Variants in ZNF407 observed in about 807,000 individuals in gnomAD.
The protein encoded by ZNF407 is zinc finger protein 407.
A neutral mutation model predicts 131.2 loss-of-function variants in ZNF407; 17 were observed. The ratio of observed to expected loss-of-function variants is 0.13; its 90% CI spans 0.09 to 0.19. The LOEUF is 0.19. Among genes scored for constraint, ZNF407 ranks in the 10% least tolerant of loss-of-function variants. ZNF407 has a pLI of 1.00. For synonymous variants in ZNF407, 1,156 were observed against 1,062.0 expected, an observed-to-expected ratio of 1.09 and a Z score of -1.72; for missense variants, 2,681 against 2,830.6, an observed-to-expected ratio of 0.95 and a Z score of 1.20.
intron 8 of ZNF407, among the ~76,000 whole-genome samples, chr18:74,964,162 C>T (rs1972381713): frequency 6.6e-6 from 1 of 152,212 alleles, no homozygotes; most frequent in South Asian, 2.1e-4. Context: ...TCATATGTAG[C>T]TCCCACTGTC....
intron 3 of ZNF407, among the ~76,000 whole-genome samples, chr18:74,672,928 C>T (rs1986209841): frequency 6.6e-6 from 1 of 152,112 alleles, no homozygotes; most frequent in South Asian, 2.1e-4. Context: ...AGAGTAGTAA[C>T]AGAAATTATG....
intron 8 of ZNF407, among the ~76,000 whole-genome samples, chr18:74,986,440 A>G (rs1321366254): frequency 6.6e-6 from 1 of 152,228 alleles, no homozygotes; most frequent in Non-Finnish European, 1.5e-5. Context: ...GAAGCCATTT[A>G]GCTAATACTG....
intron 8 of ZNF407, among the ~76,000 whole-genome samples, chr18:74,981,182 C>T (rs752928657): frequency 1.3e-4 from 20 of 152,238 alleles, no homozygotes; most frequent in African/African-American, 2.4e-4. Flanking sequence ...TGATACTCAA[C>T]GCCCAAGGGC....
intron 1 of ZNF407, among the ~76,000 whole-genome samples, chr18:74,617,064 T>C (rs1983335228): frequency 2.5e-5 from 1 of 40,312 alleles, no homozygotes; most frequent in Non-Finnish European, 4.5e-5. Flanking sequence ...TCCACACACA[T>C]CCATATCCAC....
At chr18:74,995,624 A>G (rs557770844) in intron 8 of ZNF407, among the ~76,000 whole-genome samples, 3 of 152,270 alleles carry the variant, frequency 2.0e-5, no homozygotes, top group East Asian at 3.9e-4. Context: ...ATTATTATCA[A>G]TGAAGTCTTA....
intron 4 of ZNF407, among the ~76,000 whole-genome samples, chr18:74,858,292 A>G (rs1197540628): frequency 1.3e-5 from 2 of 151,734 alleles, no homozygotes; most frequent in African/African-American, 2.4e-5. Context: ...TATATTTCCT[A>G]TGGGTACCAT....
chr18:74,620,378 T>G (rs952670856), intron 1 of ZNF407, among the ~76,000 whole-genome samples: 1 of 152,214 alleles, frequency 6.6e-6, no homozygotes, highest in Non-Finnish European at 1.5e-5. Context: ...TCTTTGATAA[T>G]GAAAGGAATG....
In ZNF407 at chr18:74,920,623, G is replaced by A; in HGVS notation, c.5359G>A (p.Glu1787Lys). 1 of 1,611,766 alleles carries A rather than the reference G, an allele frequency of 6.2e-7. No individual in the cohort carries two copies. Among genetic ancestry groups the A allele is most frequent in the Non-Finnish European group, 8.5e-7 (1 of 1,178,154 alleles). Residue 1787 changes from glutamate (E) to lysine (K), a missense_variant, in exon 8 of 9, where the codon GAG becomes AAG. Coordinates refer to ENST00000299687, the MANE Select transcript of ZNF407 (RefSeq NM_017757.3). ...KCDYGTNVPV[E>K]FRNHLKEQHP... is the part of the protein sequence containing the mutation. Reference sequence around the variant, plus strand: ...TGACTACGGGACCAACGTCCCGGTGGAGTTCCGGAACCATTTGAAGGAACA... The same window carrying A: ...TGACTACGGGACCAACGTCCCGGTGAAGTTCCGGAACCATTTGAAGGAACA...
rs141590708 is a variant in ZNF407, at chr18:74,743,363, C to CTG, written c.4803-38049_4803-38048dup. Among the ~76,000 whole-genome samples, 789 of 150,646 alleles carry CTG rather than the reference C, an allele frequency of 5.2e-3. 10 individuals carry two copies. The highest frequency in any genetic ancestry group is 0.016 in the African/African-American group (672 of 41,208). On this transcript the variant is annotated intron_variant, in intron 3 of 8. Transcript: ENST00000299687. ...CAGGATTTATCTTGTCTTGTCAGAT[C>CTG]TGTGTGTGTGTGTGTGTATTTTCAT...
intron 3 of ZNF407, among the ~76,000 whole-genome samples, chr18:74,748,282 TTC>T (rs1269749626): frequency 6.6e-6 from 1 of 151,274 alleles, no homozygotes; most frequent in African/African-American, 2.4e-5. Context: ...TAAAAATTCT[TTC>T]TTTTTTTTTT....
In ZNF407 at chr18:74,889,893, T is replaced by C. The variant is rs561938408; in HGVS notation, c.5129-25T>C. 7.6e-6 allele frequency: 12 copies of C among 1,589,128 alleles called. No homozygotes were observed. The African/African-American group carries it at 1.2e-4, about 16-fold the overall frequency. ...TTTCCAGTTGTTATTATTATTCATC[T>C]GTAACATTTCTTGATATATTACAGG... On this transcript the variant is annotated intron_variant, in intron 6 of 8. Transcript: ENST00000299687.
At chr18:74,718,352 T>C (rs1967947143) in intron 3 of ZNF407, among the ~76,000 whole-genome samples, 2 of 151,884 alleles carry the variant, frequency 1.3e-5, no homozygotes, top group Non-Finnish European at 2.9e-5. Context: ...ACCCTTTTTT[T>C]CCTTTACAAA....
intron 3 of ZNF407, among the ~76,000 whole-genome samples, chr18:74,699,906 A>G (rs988023521): frequency 4.6e-5 from 7 of 152,196 alleles, no homozygotes; most frequent in Non-Finnish European, 8.8e-5. Flanking sequence ...ACAAAATTAT[A>G]TGCACATGTT....
intron 3 of ZNF407, among the ~76,000 whole-genome samples, chr18:74,689,039 G>C (rs1251253621): frequency 6.6e-6 from 1 of 152,094 alleles, no homozygotes; most frequent in Admixed American, 6.5e-5. Flanking sequence ...TGTTGGCCAG[G>C]TTGGTCTTGA....
At chr18:74,798,813 A>T (rs1181240969) in intron 4 of ZNF407, among the ~76,000 whole-genome samples, 3 of 152,070 alleles carry the variant, frequency 2.0e-5, no homozygotes, top group Non-Finnish European at 4.4e-5. Flanking sequence ...TTTCAAACTT[A>T]ATTTTATTTT....
intron 8 of ZNF407, among the ~76,000 whole-genome samples, chr18:74,983,797 CTG>C (rs139296054): frequency 6.6e-6 from 1 of 152,336 alleles, no homozygotes; most frequent in Non-Finnish European, 1.5e-5. Flanking sequence ...AGAGGCCACA[CTG>C]GCTGTGGAGC....
chr18:75,045,433 C>T (rs902710811), intron 8 of ZNF407, among the ~76,000 whole-genome samples: 4 of 152,170 alleles, frequency 2.6e-5, no homozygotes, highest in African/African-American at 9.7e-5. Flanking sequence ...AGTCCCTGGC[C>T]TCCTGCACGT....
intron 7 of ZNF407, among the ~76,000 whole-genome samples, chr18:74,902,815 AT>A (rs1240715754): frequency 1.3e-5 from 2 of 152,224 alleles, no homozygotes; most frequent in African/African-American, 4.8e-5. Context: ...CTTTTCAAAG[AT>A]AAGTAAGTTC....
chr18:74,766,890 A>G (rs1969245927), intron 3 of ZNF407, among the ~76,000 whole-genome samples: 1 of 152,044 alleles, frequency 6.6e-6, no homozygotes, highest in African/African-American at 2.4e-5. Context: ...TAATCCCAAC[A>G]ATTTTTATTT....
Sources: gnomAD v4.1 joint callset for allele counts (sites outside exome capture counted in the v4.1 genomes callset) on GRCh38, gnomAD v4.1.1 for gene constraint, MANE v1.5 for transcripts, NCBI Gene and HGNC (gene_info 2026-07-23, HGNC 2026-07-21) for gene names.